LRP4: variants seen among roughly 807,000 people sequenced by gnomAD.
LRP4 encodes the protein low-density lipoprotein receptor-related protein 4.
In LRP4, 95 loss-of-function variants were observed where a neutral mutation model predicts 220.3. The ratio of observed to expected loss-of-function variants is 0.43; its 90% CI spans 0.37 to 0.51. The LOEUF is 0.51. LRP4 is among the 20% of genes least tolerant of loss of function. The pLI, the probability that LRP4 is intolerant of heterozygous loss-of-function variation, is 0.00. For synonymous variants in LRP4, 903 were observed against 954.6 expected (o/e 0.95, Z 1.00); for missense variants, 1,925 against 2,567.0 (o/e 0.75, Z 5.40).
At chr11:46,877,882 A>G (rs1342084611) in intron 22 of LRP4, among the ~76,000 whole-genome samples, 2 of 152,208 alleles carry the variant, frequency 1.3e-5, no homozygotes, top group African/African-American at 4.8e-5. Flanking sequence ...ACACATATTC[A>G]TAAATAATGC....
rs927101361 is a variant in LRP4 at position 46,882,212 on chromosome 11, C to T, written c.2613-309G>A. On this transcript the variant is annotated intron_variant, in intron 19 of 37. Coordinates refer to ENST00000378623, the MANE Select transcript of LRP4 (RefSeq NM_002334.4). ...AATAAGAAACATTTCCTTGGCCAGG[C>T]GCCATGGTTCATGCCTATAATCTCA... Among the ~76,000 whole-genome samples, 10 of 152,238 alleles carry T rather than the reference C, an allele frequency of 6.6e-5. No individual in the cohort carries two copies. In the East Asian group the frequency reaches 7.7e-4, roughly 12 times the overall value.
rs886048351 is a variant in LRP4 at position 46,876,530 on chromosome 11, G to A, written c.3472C>T (p.Arg1158Trp). ...IEVGNLDGSM[R>W]KVLVWQNLDS... Reference sequence around the variant, plus strand: ...AGGTTCTGCCACACCAACACTTTCCGCATGGACCCGTCCAGGTTGCCCACT... The same window carrying A: ...AGGTTCTGCCACACCAACACTTTCCACATGGACCCGTCCAGGTTGCCCACT... Residue 1158 changes from arginine to tryptophan, a missense_variant, in exon 25 of 38, where the codon CGG (arginine) becomes TGG (tryptophan). By Grantham distance (101) the Arg-to-Trp change is moderately radical. Around this residue, in one of 3 missense-constraint regions of LRP4, gnomAD observed 1,244 missense variants for 1,624.9 expected, o/e 0.77. Transcript: ENST00000378623. 3.1e-6 allele frequency: 5 copies of A among 1,614,140 alleles called. No individual in the cohort carries two copies. The highest frequency in any genetic ancestry group is 4.2e-6 in the Non-Finnish European group (5 of 1,180,028).
At chr11:46,871,698 A>G (rs928821259) in intron 30 of LRP4, 65 bp from the exon 31 acceptor site, 43 of 1,096,724 alleles carry the variant, frequency 3.9e-5, no homozygotes, top group South Asian at 2.9e-4. Flanking sequence ...TCTTCCCCCT[A>G]TGAACCTGTT....
chr11:46,869,861 C>T (rs1940812417), intron 31 of LRP4, among the ~76,000 whole-genome samples: 1 of 152,126 alleles, frequency 6.6e-6, no homozygotes, highest in African/African-American at 2.4e-5. Flanking sequence ...GTAATCCCAG[C>T]ACTTTGGGAG....
chr11:46,875,709 G>A lies in LRP4; in HGVS notation c.3700-28C>T, dbSNP rs1050750715. 6.2e-7 allele frequency: 1 copy of A among 1,612,148 alleles called. No homozygotes were observed. Among genetic ancestry groups the A allele is most frequent in the Admixed American group, 1.7e-5 (1 of 60,000 alleles). ...GCAGAGGAAGGAGAGGGTGGGGGGTGGTGATCAGCAGATTGGGAACTCTCC... is the reference window on the plus strand; with the variant it reads ...GCAGAGGAAGGAGAGGGTGGGGGGTAGTGATCAGCAGATTGGGAACTCTCC... On this transcript the variant is annotated intron_variant, in intron 26 of 37. Transcript: ENST00000378623. The surrounding 1 kb of genome is among the most constrained non-coding windows in gnomAD (Gnocchi z 4.5).
chr11:46,882,373 A>T (rs890794352), intron 19 of LRP4, among the ~76,000 whole-genome samples: 6 of 151,968 alleles, frequency 3.9e-5, no homozygotes, highest in African/African-American at 1.4e-4. Context: ...GCTACTTGAG[A>T]GGCTGAGATA....
intron 12 of LRP4, 84 bp from the exon 13 acceptor site, chr11:46,893,213 A>G: frequency 1.3e-6 from 2 of 1,527,778 alleles, no homozygotes; most frequent in Non-Finnish European, 1.8e-6. Flanking sequence ...CTCTTACAGG[A>G]AGCAATTTTT....
intron 18 of LRP4, among the ~76,000 whole-genome samples, chr11:46,885,288 T>C (rs1337274364): frequency 6.6e-6 from 1 of 152,148 alleles, no homozygotes; most frequent in Non-Finnish European, 1.5e-5. Flanking sequence ...TGAGCCACCA[T>C]GCCCAGCCCT....
At chr11:46,859,419 C>G (rs373982590) in intron 37 of LRP4, 104 bp from the exon 38 acceptor site, 1 of 857,354 alleles carries the variant, frequency 1.2e-6, no homozygotes, top group Non-Finnish European at 2.0e-6. Flanking sequence ...AGGAGTGAAG[C>G]GCACAAAAAT....
intron 11 of LRP4, 120 bp from the exon 12 acceptor site, chr11:46,894,939 C>T: frequency 9.6e-7 from 1 of 1,041,598 alleles, no homozygotes; most frequent in Non-Finnish European, 1.5e-6. Flanking sequence ...CCCAAGCTGT[C>T]AGCATCAGTA....
At chr11:46,883,834 G>T in intron 19 of LRP4, 37 bp downstream of exon 19, 1 of 1,463,170 alleles carries the variant, frequency 6.8e-7, no homozygotes, top group Non-Finnish European at 9.6e-7. Flanking sequence ...TCTTGGGAGG[G>T]GTGGATGGAG....
At position 46,883,874 on chromosome 11, in the gene LRP4, C is replaced by T. The variant is rs776260999; in HGVS notation, c.2609G>A (p.Gly870Asp). 231 of 1,613,834 alleles carry T rather than the reference C, an allele frequency of 1.4e-4. 4 individuals carry two copies. In the East Asian group the frequency reaches 5.1e-3, roughly 35 times the overall value. Residue 870 changes from glycine (G) to aspartate (D), a missense_variant, in exon 19 of 38, where the codon GGC (glycine) becomes GAC (aspartate). Physicochemically the swap from Gly to Asp is moderately conservative, Grantham distance 94. Transcript: ENST00000378623. ...RPRDIVVEPMGGYMYWTDWGA... is the reference protein window; with the variant it reads ...RPRDIVVEPMDGYMYWTDWGA... The stretch of plus-strand genomic sequence containing the variant: ...TTCCCAAGGGGCAGCCACTCACCCG[C>T]CCATGGGTTCCACCACGATGTCCCG...
Position 46,864,551 on chromosome 11 carries a change from A to G in LRP4, c.5156-16T>C. The G allele has an allele frequency of 6.4e-7, 1 of 1,562,022 alleles. No individual in the cohort carries two copies. The highest frequency in any genetic ancestry group is 8.8e-7 in the Non-Finnish European group (1 of 1,132,792). On this transcript the variant is annotated splice_polypyrimidine_tract_variant and intron_variant, in intron 35 of 37. Transcript: ENST00000378623. Reference sequence around the variant, plus strand: ...AGTCCTTCCCCTAGGAAGAATAGAGAAACACTAGGCAGGGGCCACCGACAA... The same window carrying G: ...AGTCCTTCCCCTAGGAAGAATAGAGGAACACTAGGCAGGGGCCACCGACAA...
rs1555174047 is a variant in LRP4 at position 46,894,763 on chromosome 11, G to A, written c.1366C>T (p.His456Tyr). 6.2e-7 allele frequency: 1 copy of A among 1,614,248 alleles called. No homozygotes were observed. The highest frequency in any genetic ancestry group is 8.5e-7 in the Non-Finnish European group (1 of 1,180,040). The change falls in exon 12 of 38, where the codon CAC becomes TAC. Residue 456 changes from histidine to tyrosine, a missense_variant. By Grantham distance (83) the His-to-Tyr change is moderately conservative. Transcript: ENST00000378623. ...NRIDIRQVLP[H>Y]RSEYTLLLNN... ...AGCAGCAGTGTGTACTCAGAGCGGT[G>A]TGGCAGCACCTGCCGGATGTCGATG...
rs60125188 is a variant in LRP4, at chr11:46,881,058, C to CAAAAAAAA, written c.2814+636_2814+643dup. ...CAGCATGACCCTGCCTCTAAAAAAC[C>CAAAAAAAA]AAAAAAAAAAAAAAAAAAAAAAAAA... On this transcript the variant is annotated intron_variant, in intron 20 of 37. Transcript: ENST00000378623. 1.1e-3 allele frequency among the ~76,000 whole-genome samples: 62 copies of CAAAAAAAA among 56,106 alleles called. 3 individuals are homozygous for CAAAAAAAA. The highest frequency in any genetic ancestry group is 2.7e-3 in the East Asian group (4 of 1,478). 36.8% of individuals were successfully genotyped at this position (56,106 alleles called of 152,430 possible).
chr11:46,869,097 G>T lies in LRP4; in HGVS notation c.4728C>A (p.Thr1576=), dbSNP rs200270681. 1.2e-6 allele frequency: 2 copies of T among 1,614,130 alleles called. No individual in the cohort carries two copies. The highest frequency in any genetic ancestry group is 2.7e-5 in the African/African-American group (2 of 75,030). The stretch of plus-strand genomic sequence containing the variant: ...ATTTGTCAACACGCTGGATTGACTT[G>T]GTCTGCCAGTCTGTCCAGTAGATCC... ...DRWIYWTDWQ[T]KSIQRVDKYS... is the part of the protein sequence containing the mutation. The change falls in exon 32 of 38, where the codon ACC becomes ACA. Residue 1576 remains threonine, a synonymous_variant. Coordinates refer to ENST00000378623, the MANE Select transcript of LRP4 (RefSeq NM_002334.4).
At chr11:46,864,152 A>T (rs1298810116) in intron 36 of LRP4, among the ~76,000 whole-genome samples, 1 of 152,206 alleles carries the variant, frequency 6.6e-6, no homozygotes, top group African/African-American at 2.4e-5. Context: ...TCAGTCTTAG[A>T]TTTGCCTCTT....
chr11:46,875,347 C>T lies in LRP4; in HGVS notation c.3925+109G>A, dbSNP rs1258860732. ...CTGGAAGGGAGCTTAAACAGGTCAC[C>T]GTCTTTCTGGCTGTAAAGGAGCTCT... is the stretch of plus-strand genomic sequence containing the variant. On this transcript the variant is annotated intron_variant, in intron 27 of 37. Coordinates refer to ENST00000378623, the MANE Select transcript of LRP4 (RefSeq NM_002334.4). The surrounding 1 kb of genome is among the most constrained non-coding windows in gnomAD (Gnocchi z 4.5). The T allele has an allele frequency of 7.5e-6, 8 of 1,066,872 alleles. No homozygotes were observed. The highest frequency in any genetic ancestry group is 5.8e-5 in the Admixed American group (3 of 51,484). The allele number at this position is 1,066,872 out of a possible 1,614,324, so 66.1% of individuals were successfully genotyped here.
intron 1 of LRP4, among the ~76,000 whole-genome samples, chr11:46,908,010 C>T (rs1041337503): frequency 1.2e-4 from 18 of 152,178 alleles, no homozygotes; most frequent in Middle Eastern, 3.4e-3. Flanking sequence ...TCTCAGCTTA[C>T]GGCAACCTCC....
Sources: gnomAD v4.1 joint callset for allele counts (sites outside exome capture counted in the v4.1 genomes callset) on GRCh38, gnomAD v4.1.1 for gene constraint, gnomAD v4.1.1 regional missense constraint, Gnocchi (gnomAD v3.1) non-coding constraint, MANE v1.5 for transcripts, NCBI Gene and HGNC (gene_info 2026-07-23, HGNC 2026-07-21) for gene names.